Variants in FOXA3 observed in about 807,000 individuals in gnomAD.
FOXA3 encodes the protein hepatocyte nuclear factor 3-gamma.
FOXA3 carries 11 observed loss-of-function variants against 16.9 expected under a neutral mutation model. That is an observed-to-expected ratio of 0.65 (90% CI 0.41 to 1.08). The LOEUF is 1.08. Ranked by LOEUF, FOXA3 falls within the 50% of genes least tolerant of loss-of-function variation. FOXA3 has a pLI of 0.00. For synonymous variants in FOXA3, 217 were observed against 203.3 expected (o/e 1.07, Z -0.57); for missense variants, 423 against 470.1 (o/e 0.90, Z 0.93).
chr19:45,870,131 A>G (rs2146361785), intron 1 of FOXA3, among the ~76,000 whole-genome samples: 1 of 150,646 alleles, frequency 6.6e-6, no homozygotes, highest in East Asian at 2.0e-4. Context: ...AGAGCTACAC[A>G]TATATGTTAG....
At chr19:45,869,221 T>G (rs1241677989) in intron 1 of FOXA3, among the ~76,000 whole-genome samples, 1 of 148,696 alleles carries the variant, frequency 6.7e-6, no homozygotes, top group African/African-American at 2.5e-5. Context: ...ATTACAGGCG[T>G]GAGCCACCGC....
Position 45,872,257 on chromosome 19 carries a change from C to A in FOXA3, c.252C>A (p.Ser84Arg). The A allele has an allele frequency of 6.2e-7, 1 of 1,610,014 alleles. No individual in the cohort carries two copies. Among genetic ancestry groups the A allele is most frequent in the Non-Finnish European group, 8.5e-7 (1 of 1,176,964 alleles). ...CCACTTTCCCAGGCCTGGGTGTCAGCGGTGGCAGCAGCAGCTCCGGGTACG... is the reference window on the plus strand; with the variant it reads ...CCACTTTCCCAGGCCTGGGTGTCAGAGGTGGCAGCAGCAGCTCCGGGTACG... The part of the protein sequence containing the change: ...LGPTFPGLGV[S>R]GGSSSSGYGA... The change falls in exon 2 of 2, where the codon AGC (serine) becomes AGA (arginine). Residue 84 changes from serine to arginine, a missense_variant. Physicochemically the swap from Ser to Arg is moderately radical, Grantham distance 110. Transcript: ENST00000302177. The surrounding 1 kb of genome is among the most constrained non-coding windows in gnomAD (Gnocchi z 4.5).
Position 45,873,247 on chromosome 19 carries a change from A to T in FOXA3, c.*189A>T. 1 of 917,126 alleles carries T rather than the reference A, an allele frequency of 1.1e-6. No individual in the cohort carries two copies. The highest frequency in any genetic ancestry group is 1.6e-6 in the Non-Finnish European group (1 of 620,164). 56.8% of individuals were successfully genotyped at this position (917,126 alleles called of 1,614,324 possible). The stretch of plus-strand genomic sequence containing the variant: ...CGGGGTACTGTGATAACCACCATGG[A>T]TACATTTTGGTGGCCCACTGGGTAC... On this transcript the variant is annotated 3_prime_UTR_variant, in exon 2 of 2. Transcript: ENST00000302177.
At chr19:45,869,687 A>T (rs1972116032) in intron 1 of FOXA3, among the ~76,000 whole-genome samples, 1 of 152,172 alleles carries the variant, frequency 6.6e-6, no homozygotes. Flanking sequence ...GAAGTCTTAG[A>T]TTTGAAGATA....
At chr19:45,866,917 GGAAAT>G (rs1310636909) in intron 1 of FOXA3, among the ~76,000 whole-genome samples, 1 of 152,164 alleles carries the variant, frequency 6.6e-6, no homozygotes, top group Admixed American at 6.5e-5. Flanking sequence ...GAGACAATAA[GGAAAT>G]GAAAGAGGAG....
In FOXA3 at chr19:45,871,937, T is replaced by C. The variant is rs1966908141; in HGVS notation, c.70-138T>C. The C allele has an allele frequency of 4.6e-6, 4 of 865,478 alleles. No homozygotes were observed. The Admixed American group carries it at 1.0e-4, about 22-fold the overall frequency. 53.6% of individuals were successfully genotyped at this position (865,478 alleles called of 1,614,324 possible). The stretch of plus-strand genomic sequence containing the variant: ...GGAGAGACCTTGAGAGACTGCTTTC[T>C]ACAGATAGAGGTAATGATGGAAGGG... On this transcript the variant is annotated intron_variant, in intron 1 of 1. Coordinates refer to ENST00000302177, the MANE Select transcript of FOXA3 (RefSeq NM_004497.3).
intron 1 of FOXA3, among the ~76,000 whole-genome samples, chr19:45,870,680 C>T (rs1198228545): frequency 6.6e-6 from 1 of 151,726 alleles, no homozygotes; most frequent in Non-Finnish European, 1.5e-5. Context: ...AGCGATCCTC[C>T]TGCCTCAACC....
rs771789911 is a variant in FOXA3 at position 45,872,128 on chromosome 19, G to A, written c.123G>A (p.Met41Ile). ...VPTMAPLNSY[M>I]TLNPLSSPYP... ...CCATGGCCCCCCTCAACTCCTACAT[G>A]ACCCTGAATCCTCTAAGCTCTCCCT... Residue 41 changes from methionine (M) to isoleucine (I), a missense_variant, in exon 2 of 2, where the codon ATG becomes ATA. Transcript: ENST00000302177. This position sits in a 1 kb window ranked among gnomAD's most constrained non-coding sequence, Gnocchi z 4.5. 2 of 1,601,878 alleles carry A rather than the reference G, an allele frequency of 1.2e-6. No individual in the cohort carries two copies. Among genetic ancestry groups the A allele is most frequent in the Non-Finnish European group, 1.7e-6 (2 of 1,174,460 alleles).
chr19:45,864,606 G>A, intron 1 of FOXA3, 81 bp downstream of exon 1: 1 of 1,185,602 alleles, frequency 8.4e-7, no homozygotes. Context: ...GACTGGTTGT[G>A]GGTTCAAATG....
In FOXA3 at chr19:45,872,831, C is replaced by G. The variant is rs140760356; in HGVS notation, c.826C>G (p.Pro276Ala). 841 of 1,613,172 alleles carry G rather than the reference C, an allele frequency of 5.2e-4. 1 individual carries two copies. Among genetic ancestry groups the G allele is most frequent in the Non-Finnish European group, 6.6e-4 (783 of 1,180,018 alleles). The change falls in exon 2 of 2, where the codon CCC becomes GCC. Residue 276 changes from proline (P) to alanine (A), a missense_variant. Pro to Ala is a conservative substitution (Grantham distance 27). Transcript: ENST00000302177. This position sits in a 1 kb window ranked among gnomAD's most constrained non-coding sequence, Gnocchi z 4.5. ...TGTGGGGGCTCTGGACTGTGGCTCA[C>G]CCGCTTCCTCCACACCCTATTTCAC... The part of the protein sequence containing the change: ...EDVGALDCGS[P>A]ASSTPYFTGL...
rs34586958 is a variant in FOXA3 at position 45,868,577 on chromosome 19, T to TAAAAAA, written c.70-3483_70-3478dup. On this transcript the variant is annotated intron_variant, in intron 1 of 1. Transcript: ENST00000302177. ...CCTGGGCGATACAGTGAGACTCTCTTAAAAAAAAAAAAAAAAAAAAGCTTA... is the reference window on the plus strand; with the variant it reads ...CCTGGGCGATACAGTGAGACTCTCTTAAAAAAAAAAAAAAAAAAAAAAAAAAGCTTA... Among the ~76,000 whole-genome samples the TAAAAAA allele has an allele frequency of 5.1e-5, 6 of 116,610 alleles. No homozygotes were observed. The South Asian group carries it at 1.7e-3, about 32-fold the overall frequency. The allele number at this position is 116,610 out of a possible 152,430, so 76.5% of individuals were successfully genotyped here. A position where few individuals can be genotyped will look rare whatever the true frequency, so the allele number is the denominator to read the frequency against.
chr19:45,869,058 G>C (rs890924816), intron 1 of FOXA3, among the ~76,000 whole-genome samples: 27 of 152,116 alleles, frequency 1.8e-4, no homozygotes, highest in African/African-American at 6.5e-4. Flanking sequence ...CTCCCTAGTA[G>C]CTGGGATTGC....
At chr19:45,869,748 A>G (rs763156605) in intron 1 of FOXA3, among the ~76,000 whole-genome samples, 1 of 152,140 alleles carries the variant, frequency 6.6e-6, no homozygotes, top group Non-Finnish European at 1.5e-5. Context: ...CTGATATTCA[A>G]ACACTTTTAT....
intron 1 of FOXA3, among the ~76,000 whole-genome samples, chr19:45,865,351 C>A (rs1183358913): frequency 6.6e-6 from 1 of 152,158 alleles, no homozygotes; most frequent in East Asian, 1.9e-4. Context: ...TCAGACAAGG[C>A]TTCCCTGGAG....
In FOXA3 at chr19:45,873,381, A is replaced by G; in HGVS notation, c.*323A>G. ...GTGATGGTGATAGCATTTCAGTGACATCTTCTTTGGCCCCCCCCATTAGGT... is the reference window on the plus strand; with the variant it reads ...GTGATGGTGATAGCATTTCAGTGACGTCTTCTTTGGCCCCCCCCATTAGGT... On this transcript the variant is annotated 3_prime_UTR_variant, in exon 2 of 2. Transcript: ENST00000302177. The G allele has an allele frequency of 2.6e-6, 1 of 384,566 alleles. No homozygotes were observed. The highest frequency in any genetic ancestry group is 4.8e-6 in the Non-Finnish European group (1 of 206,980). The allele number at this position is 384,566 out of a possible 1,614,324, so 23.8% of individuals were successfully genotyped here.
chr19:45,872,886 T>C lies in FOXA3; in HGVS notation c.881T>C (p.Leu294Pro), dbSNP rs1436789536. ...CTGGAGCTCCCAGGGGAGCTGAAGC[T>C]GGACGCGCCCTACAACTTCAACCAC... ...TGLELPGELKLDAPYNFNHPF... is the reference protein window; with the variant it reads ...TGLELPGELKPDAPYNFNHPF... The change falls in exon 2 of 2, where the codon CTG (leucine) becomes CCG (proline). Residue 294 changes from leucine to proline, a missense_variant. Physicochemically the swap from Leu to Pro is moderately conservative, Grantham distance 98 (BLOSUM62 -3). Transcript: ENST00000302177. This position sits in a 1 kb window ranked among gnomAD's most constrained non-coding sequence, Gnocchi z 4.5. 6.2e-7 allele frequency: 1 copy of C among 1,613,978 alleles called. No individual in the cohort carries two copies. Among genetic ancestry groups the C allele is most frequent in the Non-Finnish European group, 8.5e-7 (1 of 1,180,036 alleles).
intron 1 of FOXA3, among the ~76,000 whole-genome samples, chr19:45,870,816 T>G (rs1966897462): frequency 1.3e-5 from 2 of 152,092 alleles, no homozygotes; most frequent in Admixed American, 1.3e-4. Flanking sequence ...TGATTCACCC[T>G]CCTTGGCTCC....
At chr19:45,870,402 T>A (rs1189307569) in intron 1 of FOXA3, among the ~76,000 whole-genome samples, 2 of 150,520 alleles carry the variant, frequency 1.3e-5, no homozygotes, top group Non-Finnish European at 1.5e-5. Flanking sequence ...CTCGATCTCC[T>A]GACCTTGTGA....
rs1322943693 is a variant in FOXA3 at position 45,864,386 on chromosome 19, C to A, written c.-71C>A. ...CGCCGGTGGGAGCTCGGGCCGTGCCCGCTGAGAGATCCAGAGCGCTCCGTT... is the reference window on the plus strand; with the variant it reads ...CGCCGGTGGGAGCTCGGGCCGTGCCAGCTGAGAGATCCAGAGCGCTCCGTT... On this transcript the variant is annotated 5_prime_UTR_variant, in exon 1 of 2. Coordinates refer to ENST00000302177, the MANE Select transcript of FOXA3 (RefSeq NM_004497.3). 2.4e-6 allele frequency: 3 copies of A among 1,252,796 alleles called. No homozygotes were observed. Among genetic ancestry groups the A allele is most frequent in the South Asian group, 4.5e-5 (2 of 44,108 alleles). 77.6% of individuals were successfully genotyped at this position (1,252,796 alleles called of 1,614,324 possible).
Sources: gnomAD v4.1 joint callset for allele counts (sites outside exome capture counted in the v4.1 genomes callset) on GRCh38, gnomAD v4.1.1 for gene constraint, Gnocchi (gnomAD v3.1) non-coding constraint, MANE v1.5 for transcripts, NCBI Gene and HGNC (gene_info 2026-07-23, HGNC 2026-07-21) for gene names.